GYPE: variants seen among roughly 807,000 people sequenced by gnomAD.
The protein encoded by GYPE is glycophorin E (MNS blood group).
A neutral mutation model predicts 11.6 loss-of-function variants in GYPE; 8 were observed. The ratio of observed to expected loss-of-function variants is 0.69; its 90% CI spans 0.41 to 1.25. The LOEUF is 1.25. GYPE is among the 50% of genes most tolerant of loss of function. The pLI is 0.01. For synonymous variants in GYPE, 28 were observed against 29.6 expected, an observed-to-expected ratio of 0.94 and a Z score of 0.18; for missense variants, 90 against 92.8, an observed-to-expected ratio of 0.97 and a Z score of 0.12.
intron 3 of GYPE, among the ~76,000 whole-genome samples, chr4:143,873,194 C>T (rs1743676197): frequency 6.6e-6 from 1 of 151,998 alleles, no homozygotes; most frequent in South Asian, 2.1e-4. Context: ...TCAAAATATT[C>T]AGAGATGGGG....
At chr4:143,876,999 C>G (rs1743841114) in intron 2 of GYPE, 144 bp from the exon 3 acceptor site, 4 of 648,414 alleles carry the variant, frequency 6.2e-6, no homozygotes, top group East Asian at 2.8e-5. Context: ...TGTATTTTGT[C>G]TTTTTTAAAA....
chr4:143,896,814 A>G (rs1055772745), intron 1 of GYPE, among the ~76,000 whole-genome samples: 16 of 152,244 alleles, frequency 1.1e-4, no homozygotes, highest in African/African-American at 3.9e-4. Context: ...ACACCATGGA[A>G]TAATATGCGG....
chr4:143,876,693 C>T, intron 3 of GYPE, 53 bp downstream of exon 3: 3 of 866,494 alleles, frequency 3.5e-6, no homozygotes, highest in Non-Finnish European at 5.8e-6. Context: ...AATAAACCCT[C>T]CGAGAGCTGT....
intron 1 of GYPE, among the ~76,000 whole-genome samples, chr4:143,904,437 G>T (rs974190464): frequency 6.6e-6 from 1 of 152,104 alleles, no homozygotes; most frequent in Non-Finnish European, 1.5e-5. Context: ...CACATAATTT[G>T]CCTTAATGTT....
intron 1 of GYPE, among the ~76,000 whole-genome samples, chr4:143,884,192 C>T (rs1281220948): frequency 7.4e-6 from 1 of 135,222 alleles, no homozygotes; most frequent in Non-Finnish European, 1.6e-5. Flanking sequence ...GCCATCTCCT[C>T]CCTTTGTCTG....
chr4:143,872,494 G>A (rs1743651140), intron 3 of GYPE, among the ~76,000 whole-genome samples: 1 of 152,016 alleles, frequency 6.6e-6, no homozygotes, highest in Non-Finnish European at 1.5e-5. Context: ...GCTAGTCCTG[G>A]GAGCTGAGTG....
chr4:143,876,065 A>G (rs1027292068), intron 3 of GYPE, among the ~76,000 whole-genome samples: 6 of 152,068 alleles, frequency 3.9e-5, no homozygotes, highest in African/African-American at 9.7e-5. Context: ...ATCTGTTGCA[A>G]AATATGTGAG....
At chr4:143,894,238 C>T (rs1482950090) in intron 1 of GYPE, among the ~76,000 whole-genome samples, 1 of 151,426 alleles carries the variant, frequency 6.6e-6, no homozygotes, top group East Asian at 2.0e-4. Context: ...TTTTCAACTT[C>T]TGTGCCTTTG....
chr4:143,880,391 A>G lies in GYPE; in HGVS notation c.136+20T>C, dbSNP rs1412172044. 6.2e-7 allele frequency: 1 copy of G among 1,613,866 alleles called. No homozygotes were observed. The highest frequency in any genetic ancestry group is 8.5e-7 in the Non-Finnish European group (1 of 1,179,778). On this transcript the variant is annotated intron_variant, in intron 2 of 3. Transcript: ENST00000358615. ...AAACGATTTCGGAGCCACAATTTAA[A>G]AATAAAAATGAAAACAAACCATTTG... is the stretch of plus-strand genomic sequence containing the variant.
At chr4:143,875,643 AG>A in intron 3 of GYPE, 2 of 1,398,466 alleles carry the variant, frequency 1.4e-6, no homozygotes, top group Non-Finnish European at 9.8e-7. Context: ...AAGGGTACCT[AG>A]GGGTGTTGCC....
intron 3 of GYPE, among the ~76,000 whole-genome samples, chr4:143,874,861 C>T (rs1560935749): frequency 6.6e-6 from 1 of 152,138 alleles, no homozygotes; most frequent in Non-Finnish European, 1.5e-5. Context: ...TCTCTATGTG[C>T]TCCTACCCCT....
intron 1 of GYPE, among the ~76,000 whole-genome samples, chr4:143,884,082 C>T (rs925115973): frequency 4.6e-5 from 7 of 151,616 alleles, no homozygotes; most frequent in African/African-American, 1.7e-4. Flanking sequence ...CTCACATCTT[C>T]ATTGCTTCGC....
intron 1 of GYPE, among the ~76,000 whole-genome samples, chr4:143,898,861 G>C (rs1744759437): frequency 6.6e-6 from 1 of 151,814 alleles, no homozygotes; most frequent in Admixed American, 6.6e-5. Context: ...GGTAGCAAGG[G>C]GAGAACTTTT....
intron 1 of GYPE, among the ~76,000 whole-genome samples, chr4:143,896,551 T>C (rs940930653): frequency 6.6e-6 from 1 of 150,564 alleles, no homozygotes; most frequent in African/African-American, 2.5e-5. Context: ...ACTTTTACAT[T>C]GTTGGTGGGA....
At chr4:143,891,929 C>A (rs1355115808) in intron 1 of GYPE, among the ~76,000 whole-genome samples, 1 of 152,100 alleles carries the variant, frequency 6.6e-6, no homozygotes, top group Non-Finnish European at 1.5e-5. Flanking sequence ...GGCTGTGAAT[C>A]CATCTGGTCC....
At chr4:143,873,363 G>A (rs999496211) in intron 3 of GYPE, 25 of 439,576 alleles carry the variant, frequency 5.7e-5, no homozygotes, top group African/African-American at 1.0e-4. Flanking sequence ...TCACCTGGTT[G>A]GCAATATTTG....
intron 3 of GYPE, chr4:143,875,654 C>T: frequency 7.5e-7 from 1 of 1,330,664 alleles, no homozygotes; most frequent in Non-Finnish European, 1.0e-6. Flanking sequence ...GGGGTGTTGC[C>T]AAGTTCTTTT....
rs193021848 is a variant in GYPE, at chr4:143,902,722, T to C, written c.37+2749A>G. 7.6e-4 allele frequency among the ~76,000 whole-genome samples: 115 copies of C among 152,166 alleles called. 1 individual carries two copies. The highest frequency in any genetic ancestry group is 9.4e-4 in the Non-Finnish European group (64 of 67,992). ...AATACCAATCGGGAACTGTGCTAGA[T>C]TCTGGGGATACACGGCTGAATAAAG... On this transcript the variant is annotated intron_variant, in intron 1 of 3. Coordinates refer to ENST00000358615, the MANE Select transcript of GYPE (RefSeq NM_198682.3).
At chr4:143,888,152 A>G (rs1236628187) in intron 1 of GYPE, among the ~76,000 whole-genome samples, 1 of 95,936 alleles carries the variant, frequency 1.0e-5, no homozygotes, top group Non-Finnish European at 2.1e-5. Flanking sequence ...GGAAATAGCC[A>G]GCCTCCTAGC....
Sources: allele counts gnomAD v4.1 joint callset (sites outside exome capture counted in the v4.1 genomes callset), GRCh38; gene constraint gnomAD v4.1.1; transcripts MANE v1.5; gene names NCBI Gene and HGNC (gene_info 2026-07-23, HGNC 2026-07-21).